The following CNTFR variants were observed in gnomAD, a reference collection of about 807,000 sequenced individuals.
CNTFR encodes the protein ciliary neurotrophic factor receptor.
In CNTFR, 12 loss-of-function variants were observed where a neutral mutation model predicts 40.4. That is an observed-to-expected ratio of 0.30 (90% confidence interval 0.19 to 0.48). CNTFR has a LOEUF of 0.48. Ranked by LOEUF, CNTFR falls within the 20% of genes least tolerant of loss-of-function variation. CNTFR has a pLI of 0.99. For synonymous variants in CNTFR, 202 were observed against 209.6 expected (o/e 0.96, Z 0.31); for missense variants, 414 against 506.8 (o/e 0.82, Z 1.76).
rs369961113 is a variant in CNTFR, at chr9:34,559,598, G to A, written c.320-1614C>T. ...TAGTGTCTCTTCCCTGTCTGCCCAC[G>A]GGTGCAGAACTCTGCCTGGGGGTGG... On this transcript the variant is annotated intron_variant, in intron 4 of 9. Coordinates refer to ENST00000378980, the MANE Select transcript of CNTFR (RefSeq NM_147164.3). 2.0e-5 allele frequency among the ~76,000 whole-genome samples: 3 copies of A among 152,336 alleles called. No homozygotes were observed. The South Asian group carries it at 6.2e-4, about 32-fold the overall frequency.
At chr9:34,575,897 G>A (rs551987812) in intron 2 of CNTFR, among the ~76,000 whole-genome samples, 105 of 152,228 alleles carry the variant, frequency 6.9e-4, no homozygotes, top group African/African-American at 2.3e-3. Flanking sequence ...CTGGTCTGCT[G>A]GGCAAGACCG....
chr9:34,554,331 C>A (rs921552905), intron 7 of CNTFR, among the ~76,000 whole-genome samples: 17 of 152,170 alleles, frequency 1.1e-4, no homozygotes, highest in Non-Finnish European at 2.9e-5. Flanking sequence ...AGGGAGGGAG[C>A]CACGGGGAAC....
intron 2 of CNTFR, among the ~76,000 whole-genome samples, chr9:34,577,979 G>A (rs530876007): frequency 1.8e-3 from 272 of 151,500 alleles, no homozygotes; most frequent in African/African-American, 6.2e-3. Flanking sequence ...CGCGGCGGCG[G>A]GGGTGACAAG....
intron 1 of CNTFR, among the ~76,000 whole-genome samples, chr9:34,583,469 C>G (rs985883024): frequency 1.3e-5 from 2 of 152,168 alleles, no homozygotes; most frequent in Non-Finnish European, 2.9e-5. Flanking sequence ...GAGGAAGGCA[C>G]CAGGACAGGG....
intron 7 of CNTFR, among the ~76,000 whole-genome samples, chr9:34,555,224 G>C (rs1352277241): frequency 6.6e-6 from 1 of 152,216 alleles, no homozygotes; most frequent in Admixed American, 6.5e-5. Flanking sequence ...GAGGGACTCC[G>C]GACTCTGTCA....
chr9:34,566,972 T>C (rs1564065383), intron 3 of CNTFR, among the ~76,000 whole-genome samples: 1 of 151,766 alleles, frequency 6.6e-6, no homozygotes, highest in East Asian at 1.9e-4. Flanking sequence ...CAGGCCACAG[T>C]GGAGAGGTGG....
intron 2 of CNTFR, among the ~76,000 whole-genome samples, chr9:34,579,659 CA>C (rs1182945664): frequency 6.6e-6 from 1 of 151,878 alleles, no homozygotes; most frequent in Non-Finnish European, 1.5e-5. Flanking sequence ...AACAAACAAA[CA>C]AAAAGAGACA....
At chr9:34,564,865 C>A in intron 3 of CNTFR, 33 bp from the exon 4 acceptor site, 1 of 1,594,622 alleles carries the variant, frequency 6.3e-7, no homozygotes, top group South Asian at 1.1e-5. Context: ...GCAAAAGTCA[C>A]AGGTCACAGC....
intron 1 of CNTFR, among the ~76,000 whole-genome samples, chr9:34,581,896 C>T (rs1373782023): frequency 2.0e-5 from 3 of 152,184 alleles, no homozygotes; most frequent in Non-Finnish European, 4.4e-5. Context: ...AGAATAATAA[C>T]AGCAGGTATC....
At chr9:34,570,655 C>T (rs1323798005) in intron 2 of CNTFR, among the ~76,000 whole-genome samples, 1 of 152,176 alleles carries the variant, frequency 6.6e-6, no homozygotes, top group Non-Finnish European at 1.5e-5. Flanking sequence ...GACACACAGT[C>T]AGACACACTG....
At chr9:34,566,543 C>T (rs1826303036) in intron 3 of CNTFR, among the ~76,000 whole-genome samples, 1 of 152,162 alleles carries the variant, frequency 6.6e-6, no homozygotes, top group South Asian at 2.1e-4. Context: ...CCACTGAGCC[C>T]CCCTCCAGCC....
In CNTFR at chr9:34,564,413, G is replaced by A. The variant is rs1460096799; in HGVS notation, c.319+186C>T. On this transcript the variant is annotated intron_variant, in intron 4 of 9. Coordinates refer to ENST00000378980, the MANE Select transcript of CNTFR (RefSeq NM_147164.3). ...GTGTGGGCAAATTGTCTAGGGGTCT[G>A]GACTCAGTGGGTAAGACTGGGCTCA... Among the ~76,000 whole-genome samples the A allele has an allele frequency of 5.9e-5, 9 of 152,242 alleles. No individual in the cohort carries two copies. The South Asian group carries it at 1.4e-3, about 24-fold the overall frequency.
At chr9:34,556,485 C>T (rs888272764) in intron 6 of CNTFR, 67 bp from the exon 7 acceptor site, 1 of 1,483,670 alleles carries the variant, frequency 6.7e-7, no homozygotes, top group Non-Finnish European at 9.1e-7. Context: ...TCAACTCCAG[C>T]CACCATGTTG....
At chr9:34,554,810 G>C (rs1696525697) in intron 7 of CNTFR, among the ~76,000 whole-genome samples, 1 of 152,232 alleles carries the variant, frequency 6.6e-6, no homozygotes, top group Admixed American at 6.5e-5. Context: ...GGACTGGGGA[G>C]AATAGACTCT....
At chr9:34,576,813 G>A (rs1378486057) in intron 2 of CNTFR, among the ~76,000 whole-genome samples, 2 of 152,224 alleles carry the variant, frequency 1.3e-5, no homozygotes, top group Non-Finnish European at 2.9e-5. Context: ...TCTTCCCCAC[G>A]ATGCGGATCG....
At chr9:34,559,744 G>T (rs1729620050) in intron 4 of CNTFR, among the ~76,000 whole-genome samples, 1 of 152,106 alleles carries the variant, frequency 6.6e-6, no homozygotes. Flanking sequence ...TCCACTCCCC[G>T]CTCCTGCCAC....
intron 2 of CNTFR, among the ~76,000 whole-genome samples, chr9:34,577,816 C>T (rs985080508): frequency 2.1e-4 from 31 of 150,566 alleles, no homozygotes; most frequent in Non-Finnish European, 2.9e-4. Context: ...GGCAGGGGGG[C>T]TGGGGGGAGA....
intron 7 of CNTFR, among the ~76,000 whole-genome samples, chr9:34,553,949 C>A (rs774846634): frequency 2.0e-5 from 3 of 152,032 alleles, no homozygotes; most frequent in African/African-American, 7.3e-5. Flanking sequence ...GGCTATCTGA[C>A]CTGACAGGCT....
At chr9:34,555,418 C>T (rs1478476098) in intron 7 of CNTFR, among the ~76,000 whole-genome samples, 1 of 152,112 alleles carries the variant, frequency 6.6e-6, no homozygotes, top group Non-Finnish European at 1.5e-5. Flanking sequence ...ACCCTCTCAA[C>T]CCCACTCCTA....
Sources: allele counts gnomAD v4.1 joint callset (sites outside exome capture counted in the v4.1 genomes callset), GRCh38; gene constraint gnomAD v4.1.1; transcripts MANE v1.5; gene names NCBI Gene and HGNC (gene_info 2026-07-23, HGNC 2026-07-21).